Variants in HTR1E observed in about 807,000 individuals in gnomAD.
HTR1E encodes the protein 5-hydroxytryptamine receptor 1E.
In HTR1E, 3 loss-of-function variants were observed where a neutral mutation model predicts 3.4. The ratio of observed to expected loss-of-function variants is 0.89; its 90% CI spans 0.41 to 2.31. The LOEUF (loss-of-function observed/expected upper bound fraction) is 2.31, where lower values mean the gene tolerates loss of function less well. Ranked by LOEUF, HTR1E falls within the 30% of genes most tolerant of loss-of-function variation. The pLI is 0.05. For missense variants in HTR1E, 392 were observed against 467.0 expected (o/e 0.84, Z 1.48); for synonymous variants, 170 against 182.8 (o/e 0.93, Z 0.56).
At chr6:86,949,235 A>G (rs902216293) in intron 1 of HTR1E, among the ~76,000 whole-genome samples, 2 of 152,192 alleles carry the variant, frequency 1.3e-5, no homozygotes. Context: ...CCTACCTATA[A>G]AATGAAAATA....
At chr6:86,948,868 G>T (rs1767171915) in intron 1 of HTR1E, among the ~76,000 whole-genome samples, 1 of 152,150 alleles carries the variant, frequency 6.6e-6, no homozygotes, top group Admixed American at 6.6e-5. Flanking sequence ...GCCAGGAACT[G>T]CAGGGACCCA....
At chr6:86,971,178 ATG>A in intron 1 of HTR1E, 1 of 475,144 alleles carries the variant, frequency 2.1e-6, no homozygotes, top group South Asian at 1.6e-5. Flanking sequence ...CAGGCCTATT[ATG>A]GGAATGAACT....
chr6:86,960,190 C>T (rs184257761), intron 1 of HTR1E, among the ~76,000 whole-genome samples: 14 of 152,252 alleles, frequency 9.2e-5, no homozygotes, highest in Admixed American at 2.6e-4. Flanking sequence ...ATCAAGGTGC[C>T]AGCATGTAGT....
intron 1 of HTR1E, among the ~76,000 whole-genome samples, chr6:86,999,020 C>G (rs931131366): frequency 6.6e-6 from 1 of 152,128 alleles, no homozygotes; most frequent in Admixed American, 6.5e-5. Context: ...AGTGCAGTAG[C>G]GTGATCTCAG....
At chr6:86,975,898 C>T (rs998470586) in intron 1 of HTR1E, among the ~76,000 whole-genome samples, 3 of 143,524 alleles carry the variant, frequency 2.1e-5, no homozygotes, top group African/African-American at 7.7e-5. Flanking sequence ...TTCTCTCTTT[C>T]TCTCTCTCTC....
chr6:86,975,840 T>A (rs553374430), intron 1 of HTR1E, among the ~76,000 whole-genome samples: 1 of 150,252 alleles, frequency 6.7e-6, no homozygotes, highest in African/African-American at 2.5e-5. Context: ...ATCAATATAA[T>A]CATTGTTTAA....
intron 1 of HTR1E, among the ~76,000 whole-genome samples, chr6:86,985,474 TTTAA>T (rs2127826440): frequency 6.6e-6 from 1 of 152,198 alleles, no homozygotes; most frequent in Admixed American, 6.5e-5. Context: ...GGTCCAGATA[TTTAA>T]TTAAGTGTAA....
intron 1 of HTR1E, among the ~76,000 whole-genome samples, chr6:87,010,244 C>T (rs1474319366): frequency 8.6e-5 from 10 of 116,196 alleles, no homozygotes; most frequent in African/African-American, 3.8e-4. Flanking sequence ...GGGCTCCTCA[C>T]TTCTCAGTAG....
At chr6:86,979,144 T>C (rs1362386234) in intron 1 of HTR1E, among the ~76,000 whole-genome samples, 1 of 152,248 alleles carries the variant, frequency 6.6e-6, no homozygotes, top group Non-Finnish European at 1.5e-5. Context: ...ACAGAGTTAA[T>C]GTTTACTCTT....
chr6:87,004,124 C>G (rs1475254671), intron 1 of HTR1E, among the ~76,000 whole-genome samples: 1 of 152,118 alleles, frequency 6.6e-6, no homozygotes, highest in African/African-American at 2.4e-5. Flanking sequence ...AAAAATTCTC[C>G]CAGCAAAGGA....
intron 1 of HTR1E, among the ~76,000 whole-genome samples, chr6:86,984,568 A>C (rs1767757300): frequency 6.6e-6 from 1 of 152,244 alleles, no homozygotes; most frequent in South Asian, 2.1e-4. Flanking sequence ...ATCAGTTAGA[A>C]TAACCCTAAG....
intron 1 of HTR1E, among the ~76,000 whole-genome samples, chr6:86,986,244 C>T (rs1055478509): frequency 5.3e-5 from 8 of 152,074 alleles, no homozygotes; most frequent in African/African-American, 1.9e-4. Context: ...ACTATATATG[C>T]TTTTTTTCAC....
At chr6:86,991,045 T>A (rs1767864481) in intron 1 of HTR1E, among the ~76,000 whole-genome samples, 1 of 152,192 alleles carries the variant, frequency 6.6e-6, no homozygotes, top group Non-Finnish European at 1.5e-5. Context: ...ACTTCTGAGA[T>A]ACTCTTCACC....
chr6:86,942,727 TCTC>T (rs1404677102), intron 1 of HTR1E, among the ~76,000 whole-genome samples: 1 of 152,236 alleles, frequency 6.6e-6, no homozygotes, highest in African/African-American at 2.4e-5. Flanking sequence ...AACAATGTAA[TCTC>T]CTCACCCTCT....
chr6:86,949,892 T>C (rs1451573447), intron 1 of HTR1E, among the ~76,000 whole-genome samples: 2 of 152,186 alleles, frequency 1.3e-5, no homozygotes, highest in African/African-American at 4.8e-5. Flanking sequence ...GCTTGAATCA[T>C]TTGGCTCTTG....
chr6:86,942,887 G>C (rs1272258749), intron 1 of HTR1E, among the ~76,000 whole-genome samples: 3 of 152,140 alleles, frequency 2.0e-5, no homozygotes. Flanking sequence ...AATGACTTTA[G>C]AGGAAGCAAA....
At chr6:86,985,797 C>G (rs1428169775) in intron 1 of HTR1E, among the ~76,000 whole-genome samples, 2 of 152,172 alleles carry the variant, frequency 1.3e-5, no homozygotes, top group African/African-American at 4.8e-5. Flanking sequence ...GTTTGGAGAA[C>G]TGAATAAAAT....
At chr6:87,013,674 A>G (rs559652060) in intron 1 of HTR1E, among the ~76,000 whole-genome samples, 14 of 152,094 alleles carry the variant, frequency 9.2e-5, no homozygotes, top group Non-Finnish European at 2.1e-4. Context: ...ATGTAAAAAA[A>G]AGCCTTTTTA....
chr6:87,013,445 G>T (rs1240986940), intron 1 of HTR1E, among the ~76,000 whole-genome samples: 1 of 151,984 alleles, frequency 6.6e-6, no homozygotes, highest in African/African-American at 2.4e-5. Flanking sequence ...CCCCAAAAAG[G>T]TCCTCCATCA....
Sources: allele counts gnomAD v4.1 joint callset (sites outside exome capture counted in the v4.1 genomes callset), GRCh38; gene constraint gnomAD v4.1.1; transcripts MANE v1.5; gene names NCBI Gene and HGNC (gene_info 2026-07-23, HGNC 2026-07-21).